Variants in NWD1 observed in about 807,000 individuals in gnomAD.
NWD1 encodes NACHT domain- and WD repeat-containing protein 1.
NWD1 carries 129 observed loss-of-function variants against 135.1 expected under a neutral mutation model. That is an observed-to-expected ratio of 0.96 (90% CI 0.83 to 1.11). The LOEUF is 1.11. Among genes scored for constraint, NWD1 ranks in the 50% least tolerant of loss-of-function variants. The pLI, the probability that NWD1 is intolerant of heterozygous loss-of-function variation, is 0.00. For missense variants in NWD1, 1,740 were observed against 1,851.3 expected, an observed-to-expected ratio of 0.94 and a Z score of 1.10; for synonymous variants, 773 against 786.0, an observed-to-expected ratio of 0.98 and a Z score of 0.28.
Position 16,762,077 on chromosome 19 carries a change from AG to A in NWD1, c.2075del (p.Gly692ValfsTer15). 3 of 1,614,142 alleles carry A rather than the reference AG, an allele frequency of 1.9e-6. No homozygotes were observed. The highest frequency in any genetic ancestry group is 2.5e-6 in the Non-Finnish European group (3 of 1,180,014). On this transcript the variant is annotated frameshift_variant, in exon 8 of 19. Coordinates refer to ENST00000524140, the MANE Select transcript of NWD1 (RefSeq NM_001007525.5). LOFTEE classifies it high-confidence loss of function. Reference sequence around the variant, plus strand: ...GACTTCTTCTCAGGGACCTGGAGCCAGGGTACCAAGAAGCTCATCACTCTGC... The same window carrying A: ...GACTTCTTCTCAGGGACCTGGAGCCAGGTACCAAGAAGCTCATCACTCTGC... ...LADFFSGTWS[Q>X]GTKKLITLPL...
chr19:16,789,121 T>C lies in NWD1; in HGVS notation c.2871T>C (p.Ala957=). The stretch of plus-strand genomic sequence containing the variant: ...GGGATGGAGGCTCAAAAAATCCCGC[T>C]GAACCTCAGATCTGGAACCTTCATG... ...TIWDGGSKNP[A]EPQIWNLHVD... The change falls in exon 13 of 19, where the codon GCT becomes GCC. Residue 957 remains alanine (A), a synonymous_variant. Coordinates refer to ENST00000524140, the MANE Select transcript of NWD1 (RefSeq NM_001007525.5). The C allele has an allele frequency of 4.3e-6, 7 of 1,614,100 alleles. No homozygotes were observed. The highest frequency in any genetic ancestry group is 5.9e-6 in the Non-Finnish European group (7 of 1,179,980).
intron 6 of NWD1, 40 bp downstream of exon 6, chr19:16,750,451 T>C: frequency 7.0e-7 from 1 of 1,426,864 alleles, no homozygotes; most frequent in Non-Finnish European, 9.3e-7. Flanking sequence ...TATTTATTTA[T>C]GTTTTCTTTT....
rs569976540 is a variant in NWD1, at chr19:16,751,324, G to A, written c.1769+913G>A. Reference sequence around the variant, plus strand: ...ATGGATGAGGAGTCAAAAGTAACAAGCATATATTGCTTTTTGGATATAGCA... The same window carrying A: ...ATGGATGAGGAGTCAAAAGTAACAAACATATATTGCTTTTTGGATATAGCA... On this transcript the variant is annotated intron_variant, in intron 6 of 18. Coordinates refer to ENST00000524140, the MANE Select transcript of NWD1 (RefSeq NM_001007525.5). Among the ~76,000 whole-genome samples the A allele has an allele frequency of 4.6e-5, 7 of 151,440 alleles. No homozygotes were observed. The East Asian group carries it at 7.7e-4, about 17-fold the overall frequency.
At chr19:16,752,322 T>G (rs1326853528) in intron 6 of NWD1, among the ~76,000 whole-genome samples, 1 of 152,188 alleles carries the variant, frequency 6.6e-6, no homozygotes, top group Non-Finnish European at 1.5e-5. Context: ...TCTGCCTGTT[T>G]CTTTGCCAGA....
intron 4 of NWD1, among the ~76,000 whole-genome samples, chr19:16,742,005 G>A (rs1432188333): frequency 6.6e-6 from 1 of 152,104 alleles, no homozygotes; most frequent in Non-Finnish European, 1.5e-5. Context: ...CAGCTACTGG[G>A]GAGGTAGAGG....
chr19:16,792,077 C>T (rs1357367006), intron 14 of NWD1, among the ~76,000 whole-genome samples: 1 of 152,124 alleles, frequency 6.6e-6, no homozygotes, highest in East Asian at 1.9e-4. Flanking sequence ...CATCTGTTGG[C>T]GTCTCTTGGG....
At chr19:16,720,567 T>A (rs4808524) in intron 1 of NWD1, among the ~76,000 whole-genome samples, 61,353 of 151,972 alleles carry the variant, frequency 0.4, 12,527 homozygotes, top group Middle Eastern at 0.52. Context: ...GGAGACTTTT[T>A]TTTTTTTGAG....
intron 18 of NWD1, among the ~76,000 whole-genome samples, chr19:16,808,551 AAAG>A (rs1970827232): frequency 1.3e-5 from 2 of 151,724 alleles, no homozygotes; most frequent in African/African-American, 2.4e-5. Flanking sequence ...TTTAAAAAAA[AAAG>A]AAAAGAAAAG....
At chr19:16,797,474 GCATGTGCCACCA>G (rs1192324841) in intron 15 of NWD1, among the ~76,000 whole-genome samples, 1 of 151,762 alleles carries the variant, frequency 6.6e-6, no homozygotes, top group Non-Finnish European at 1.5e-5. Flanking sequence ...GGGATTACAT[GCATGTGCCACCA>G]CACCTGGCTA....
chr19:16,782,330 G>C (rs1188108629), intron 12 of NWD1, among the ~76,000 whole-genome samples: 1 of 150,836 alleles, frequency 6.6e-6, no homozygotes, highest in East Asian at 1.9e-4. Flanking sequence ...GCCAGGCATG[G>C]TGGTGTGCAC....
intron 2 of NWD1, among the ~76,000 whole-genome samples, chr19:16,725,512 T>C (rs1967294933): frequency 6.6e-6 from 1 of 151,970 alleles, no homozygotes. Context: ...CAAAGATAAC[T>C]AGCTAGAGTT....
In NWD1 at chr19:16,781,275, A is replaced by G. The variant is rs571256598; in HGVS notation, c.2731+1810A>G. Among the ~76,000 whole-genome samples the G allele has an allele frequency of 3.0e-4, 46 of 152,300 alleles. No individual in the cohort carries two copies. The South Asian group carries it at 9.3e-3, about 31-fold the overall frequency. ...AGAGATGATTCCCACAGTAGAGTTCATAACTAGCTACCTTGTGCTCTCCTG... is the reference window on the plus strand; with the variant it reads ...AGAGATGATTCCCACAGTAGAGTTCGTAACTAGCTACCTTGTGCTCTCCTG... On this transcript the variant is annotated intron_variant, in intron 12 of 18. Coordinates refer to ENST00000524140, the MANE Select transcript of NWD1 (RefSeq NM_001007525.5).
chr19:16,785,467 C>A (rs1048387330), intron 12 of NWD1, among the ~76,000 whole-genome samples: 5 of 151,292 alleles, frequency 3.3e-5, no homozygotes, highest in Middle Eastern at 3.4e-3. Context: ...GCCGAGATTG[C>A]GTCACTGCAC....
intron 12 of NWD1, among the ~76,000 whole-genome samples, chr19:16,781,067 A>G (rs1568375701): frequency 6.6e-6 from 1 of 152,138 alleles, no homozygotes; most frequent in South Asian, 2.1e-4. Flanking sequence ...CTCAGATCCT[A>G]AGTAAGGTTG....
Position 16,815,387 on chromosome 19 carries a change from T to C in NWD1, c.*348T>C. 1 of 647,014 alleles carries C rather than the reference T, an allele frequency of 1.5e-6. No individual in the cohort carries two copies. Among genetic ancestry groups the C allele is most frequent in the East Asian group, 2.7e-5 (1 of 37,016 alleles). 40.1% of individuals were successfully genotyped at this position (647,014 alleles called of 1,614,324 possible). On this transcript the variant is annotated 3_prime_UTR_variant, in exon 19 of 19. Transcript: ENST00000524140. ...TGGGGCTCCAGTGAGTTAGCCCCATTTAATCTAGTTAAAGCAAAAAGAATA... is the reference window on the plus strand; with the variant it reads ...TGGGGCTCCAGTGAGTTAGCCCCATCTAATCTAGTTAAAGCAAAAAGAATA...
At chr19:16,774,865 A>C (rs949339482) in intron 11 of NWD1, among the ~76,000 whole-genome samples, 4 of 151,882 alleles carry the variant, frequency 2.6e-5, no homozygotes, top group African/African-American at 9.7e-5. Flanking sequence ...GCCTCCACCC[A>C]TCCACACACT....
At position 16,809,234 on chromosome 19, in the gene NWD1, C is replaced by T. The variant is rs554628311; in HGVS notation, c.4287+1098C>T. On this transcript the variant is annotated intron_variant, in intron 18 of 18. Transcript: ENST00000524140. ...AAGTAGCTGGGATTACAGATAAGCACCACCATGCCCAGCTAATTTTTGTGT... is the reference window on the plus strand; with the variant it reads ...AAGTAGCTGGGATTACAGATAAGCATCACCATGCCCAGCTAATTTTTGTGT... Among the ~76,000 whole-genome samples, 3 of 151,866 alleles carry T rather than the reference C, an allele frequency of 2.0e-5. No homozygotes were observed. The South Asian group carries it at 6.2e-4, about 32-fold the overall frequency.
At chr19:16,799,474 G>C (rs1452407160) in intron 16 of NWD1, among the ~76,000 whole-genome samples, 2 of 152,028 alleles carry the variant, frequency 1.3e-5, no homozygotes, top group Non-Finnish European at 2.9e-5. Flanking sequence ...GATTACAGGT[G>C]TGAGCCACTG....
intron 12 of NWD1, among the ~76,000 whole-genome samples, chr19:16,782,305 A>G (rs1042542648): frequency 3.3e-5 from 5 of 150,620 alleles, no homozygotes; most frequent in Admixed American, 1.3e-4. Flanking sequence ...AAAAAAAAAA[A>G]AGTGTTTTAA....
Sources: allele counts gnomAD v4.1 joint callset (sites outside exome capture counted in the v4.1 genomes callset), GRCh38; gene constraint gnomAD v4.1.1; transcripts MANE v1.5; gene names NCBI Gene and HGNC (gene_info 2026-07-23, HGNC 2026-07-21).